The following ABLIM2 variants were observed in gnomAD, a reference collection of about 807,000 sequenced individuals.
The protein encoded by ABLIM2 is actin-binding LIM protein 2.
Under a neutral mutation model 97.7 loss-of-function variants are expected in ABLIM2, and 53 were observed. The observed-to-expected ratio is 0.54, with a 90% CI of 0.44 to 0.68. The LOEUF is 0.68. Among genes scored for constraint, ABLIM2 ranks in the 30% least tolerant of loss-of-function variants. The pLI, the probability that ABLIM2 is intolerant of heterozygous loss-of-function variation, is 0.00. For missense variants in ABLIM2, 835 were observed against 867.2 expected, an observed-to-expected ratio of 0.96 and a Z score of 0.47; for synonymous variants, 361 against 345.8, an observed-to-expected ratio of 1.04 and a Z score of -0.49.
intron 14 of ABLIM2, among the ~76,000 whole-genome samples, chr4:8,012,391 C>G (rs1029173023): frequency 4.6e-5 from 7 of 151,722 alleles, no homozygotes; most frequent in African/African-American, 1.5e-4. Flanking sequence ...ATCCACCCAC[C>G]TATACATCCA....
chr4:8,090,822 T>A lies in ABLIM2; in HGVS notation c.339-2538A>T, dbSNP rs528614165. On this transcript the variant is annotated intron_variant, in intron 3 of 20. Transcript: ENST00000447017. ...TTTGCCAATATCGATCCTTTGTTCC[T>A]TTGAGGACGGAGCAGTGTCCATCCC... is the stretch of plus-strand genomic sequence containing the variant. 2.0e-5 allele frequency among the ~76,000 whole-genome samples: 3 copies of A among 152,250 alleles called. No homozygotes were observed. In the East Asian group the frequency reaches 5.8e-4, roughly 29 times the overall value.
In ABLIM2 at chr4:8,044,641, G is replaced by GACACACACAC. The variant is rs531358817; in HGVS notation, c.900+513_900+522dup. ...ATTATGGAAGCGTGTGAGGCGCACA[G>GACACACACAC]ACACACACACACACACACACACACA... On this transcript the variant is annotated intron_variant, in intron 9 of 20. Coordinates refer to ENST00000447017, the MANE Select transcript of ABLIM2 (RefSeq NM_001130083.2). This position sits in a 1 kb window ranked among gnomAD's most constrained non-coding sequence, Gnocchi z 4.4. 6.4e-3 allele frequency among the ~76,000 whole-genome samples: 793 copies of GACACACACAC among 124,198 alleles called. 7 individuals carry two copies. The highest frequency in any genetic ancestry group is 0.036 in the East Asian group (150 of 4,220). 81.5% of individuals were successfully genotyped at this position (124,198 alleles called of 152,430 possible). A position where few individuals can be genotyped will look rare whatever the true frequency, so the allele number is the denominator to read the frequency against.
At chr4:8,081,101 G>A (rs1819534655) in intron 4 of ABLIM2, among the ~76,000 whole-genome samples, 1 of 151,974 alleles carries the variant, frequency 6.6e-6, no homozygotes, top group Non-Finnish European at 1.5e-5. Context: ...GAGCGGAGTT[G>A]GCTCCTGGCA....
At chr4:8,010,563 G>A (rs777548119) in intron 14 of ABLIM2, 1 of 985,858 alleles carries the variant, frequency 1.0e-6, no homozygotes, top group African/African-American at 1.7e-5. Flanking sequence ...GACAAGATAA[G>A]GCCAAAATTG....
At chr4:8,065,417 C>T (rs890269900) in intron 6 of ABLIM2, among the ~76,000 whole-genome samples, 6 of 152,136 alleles carry the variant, frequency 3.9e-5, no homozygotes, top group Admixed American at 1.3e-4. Context: ...ATGAGGGTAG[C>T]TACAATAATA....
intron 16 of ABLIM2, 56 bp downstream of exon 16, chr4:8,008,002 CT>C (rs1233190222): frequency 6.2e-7 from 1 of 1,600,002 alleles, no homozygotes; most frequent in East Asian, 2.2e-5. Context: ...TCTGGGGCCT[CT>C]TTGCCGCGAG....
chr4:8,123,656 C>G lies in ABLIM2; in HGVS notation c.11-17019G>C, dbSNP rs1371165606. ...CCACCTGCATGACAGAGGCAGCCAG[C>G]CCCTGCCTTAAAGCGGGTCTCCTGG... On this transcript the variant is annotated intron_variant, in intron 1 of 20. Coordinates refer to ENST00000447017, the MANE Select transcript of ABLIM2 (RefSeq NM_001130083.2). The surrounding 1 kb of genome is among the most constrained non-coding windows in gnomAD (Gnocchi z 6.2). Among the ~76,000 whole-genome samples the G allele has an allele frequency of 6.6e-6, 1 of 152,236 alleles. No individual in the cohort carries two copies. Among genetic ancestry groups the G allele is most frequent in the East Asian group, 1.9e-4 (1 of 5,192 alleles).
rs1264972979 is a variant in ABLIM2 at position 8,075,320 on chromosome 4, G to A, written c.675+2308C>T. On this transcript the variant is annotated intron_variant, in intron 6 of 20. Coordinates refer to ENST00000447017, the MANE Select transcript of ABLIM2 (RefSeq NM_001130083.2). This position sits in a 1 kb window ranked among gnomAD's most constrained non-coding sequence, Gnocchi z 4.4. ...GGGGAGTGACAGCTAAAAGGTATGG[G>A]GTTCTTTCTAAGGTGAGGAAACTGT... Among the ~76,000 whole-genome samples the A allele has an allele frequency of 1.3e-5, 2 of 152,102 alleles. No homozygotes were observed. The highest frequency in any genetic ancestry group is 2.9e-5 in the Non-Finnish European group (2 of 68,038).
rs957121311 is a variant in ABLIM2 at position 7,984,871 on chromosome 4, C to T, written c.1703G>A (p.Gly568Glu). The T allele has an allele frequency of 2.5e-6, 4 of 1,608,546 alleles. No homozygotes were observed. Among genetic ancestry groups the T allele is most frequent in the Admixed American group, 3.4e-5 (2 of 59,312 alleles). ...GCCCCAGCTGGCATCCGGGTCTGCT[C>T]CACAGGGGGCCAGATTGGCATTCTG... ...DQRNANLAPC[G>E]ADPDASWGMR... is the part of the protein sequence containing the mutation. The change falls in exon 18 of 21, where the codon GGA (glycine) becomes GAA (glutamate). Residue 568 changes from glycine (G) to glutamate (E), a missense_variant. Transcript: ENST00000447017.
At chr4:8,114,799 C>CA (rs1317727202) in intron 1 of ABLIM2, among the ~76,000 whole-genome samples, 4 of 70,706 alleles carry the variant, frequency 5.7e-5, no homozygotes, top group South Asian at 1.9e-3. Flanking sequence ...GGGCAGCCAC[C>CA]GCCCCGTCCC....
chr4:8,090,980 T>C (rs1248836770), intron 3 of ABLIM2, among the ~76,000 whole-genome samples: 1 of 151,888 alleles, frequency 6.6e-6, no homozygotes, highest in Non-Finnish European at 1.5e-5. Flanking sequence ...GCTTTCCTTT[T>C]GGGTGAATAC....
chr4:8,041,283 G>A (rs1477546941), intron 9 of ABLIM2: 6 of 152,258 alleles, frequency 3.9e-5, no homozygotes, highest in Admixed American at 3.3e-4. Context: ...CCCCTACCCA[G>A]AACAGGGATG....
At chr4:8,064,165 C>G (rs748188159) in intron 6 of ABLIM2, among the ~76,000 whole-genome samples, 1 of 152,256 alleles carries the variant, frequency 6.6e-6, no homozygotes, top group Non-Finnish European at 1.5e-5. Context: ...ACATGCTCTT[C>G]TGCAGAAATA....
intron 14 of ABLIM2, among the ~76,000 whole-genome samples, chr4:8,017,991 C>CA (rs57785994): frequency 0.011 from 896 of 80,790 alleles, 10 homozygotes; most frequent in East Asian, 0.1. Flanking sequence ...GACTCCGTCT[C>CA]AAAAAAAAAA....
chr4:8,142,184 C>T (rs575913323), intron 1 of ABLIM2, among the ~76,000 whole-genome samples: 3 of 152,348 alleles, frequency 2.0e-5, no homozygotes, highest in African/African-American at 7.2e-5. Flanking sequence ...GGCCAGGACA[C>T]TGTCCAGGTC....
intron 3 of ABLIM2, among the ~76,000 whole-genome samples, chr4:8,092,261 G>A (rs1279243700): frequency 6.6e-6 from 1 of 152,112 alleles, no homozygotes; most frequent in East Asian, 1.9e-4. Context: ...GCCTCCCAAA[G>A]TGCTGGGATT....
At position 7,993,052 on chromosome 4, in the gene ABLIM2, G is replaced by C. The variant is rs1578133746; in HGVS notation, c.1619-125C>G. ...GCAAGCAACACAGGGGAGGCCCCCT[G>C]AGGACCATGACCTGCCTCAGTGGTG... On this transcript the variant is annotated intron_variant, in intron 16 of 20. Transcript: ENST00000447017. The C allele has an allele frequency of 3.2e-6, 3 of 949,486 alleles. No homozygotes were observed. In the South Asian group the frequency reaches 4.4e-5, roughly 14 times the overall value. 58.8% of individuals were successfully genotyped at this position (949,486 alleles called of 1,614,324 possible). A position where few individuals can be genotyped will look rare whatever the true frequency, so the allele number is the denominator to read the frequency against.
In ABLIM2 at chr4:8,087,029, T is replaced by C. The variant is rs1287874171; in HGVS notation, c.454+1140A>G. ...GGCCAGTGCTGCACCTCGGGGAGGC[T>C]GGAAGTGGAATCGCCTCTGTAGAGA... is the stretch of plus-strand genomic sequence containing the variant. On this transcript the variant is annotated intron_variant, in intron 4 of 20. Coordinates refer to ENST00000447017, the MANE Select transcript of ABLIM2 (RefSeq NM_001130083.2). This position sits in a 1 kb window ranked among gnomAD's most constrained non-coding sequence, Gnocchi z 4.6. 6.6e-6 allele frequency among the ~76,000 whole-genome samples: 1 copy of C among 152,032 alleles called. No homozygotes were observed. Among genetic ancestry groups the C allele is most frequent in the Non-Finnish European group, 1.5e-5 (1 of 67,992 alleles).
At chr4:8,057,694 C>T (rs1032202065) in intron 7 of ABLIM2, among the ~76,000 whole-genome samples, 17 of 152,184 alleles carry the variant, frequency 1.1e-4, no homozygotes, top group Non-Finnish European at 1.6e-4. Context: ...GATCTAATGC[C>T]CCACCCCATG....
Sources: allele counts gnomAD v4.1 joint callset (sites outside exome capture counted in the v4.1 genomes callset), GRCh38; gene constraint gnomAD v4.1.1; non-coding constraint Gnocchi (gnomAD v3.1); transcripts MANE v1.5; gene names NCBI Gene and HGNC (gene_info 2026-07-23, HGNC 2026-07-21).